The following ATRNL1 variants were observed in gnomAD, a reference collection of about 807,000 sequenced individuals.
The protein encoded by ATRNL1 is attractin-like protein 1.
A neutral mutation model predicts 182.7 loss-of-function variants in ATRNL1; 95 were observed. The ratio of observed to expected loss-of-function variants is 0.52; its 90% CI spans 0.44 to 0.62. The LOEUF (loss-of-function observed/expected upper bound fraction) is 0.62, where lower values mean the gene tolerates loss of function less well. Ranked by LOEUF, ATRNL1 falls within the 20% of genes least tolerant of loss-of-function variation. The pLI is 0.00. For missense variants in ATRNL1, 1,471 were observed against 1,679.5 expected (o/e 0.88, Z 2.17); for synonymous variants, 576 against 568.3 (o/e 1.01, Z -0.19).
At chr10:115,159,482 G>A (rs1274462856) in intron 5 of ATRNL1, among the ~76,000 whole-genome samples, 1 of 150,770 alleles carries the variant, frequency 6.6e-6, no homozygotes, top group Non-Finnish European at 1.5e-5. Context: ...TCTTTTTGAG[G>A]ACTCCACTGA....
intron 27 of ATRNL1, among the ~76,000 whole-genome samples, chr10:115,758,566 C>G: frequency 6.6e-6 from 1 of 152,220 alleles, no homozygotes; most frequent in East Asian, 1.9e-4. Context: ...TCTGTCGGCT[C>G]CTACTGGGAG....
intron 7 of ATRNL1, among the ~76,000 whole-genome samples, chr10:115,167,843 G>A (rs1847115787): frequency 6.6e-6 from 1 of 151,992 alleles, no homozygotes; most frequent in African/African-American, 2.4e-5. Flanking sequence ...CATTTAAAGT[G>A]TACAATTCAG....
At chr10:115,564,069 A>G (rs1392584176) in intron 26 of ATRNL1, among the ~76,000 whole-genome samples, 2 of 152,024 alleles carry the variant, frequency 1.3e-5, no homozygotes, top group African/African-American at 4.8e-5. Context: ...TTCCTGCTGC[A>G]TAGTATATTT....
chr10:115,342,564 GTTA>G (rs1855801319), intron 19 of ATRNL1, among the ~76,000 whole-genome samples: 1 of 151,992 alleles, frequency 6.6e-6, no homozygotes, highest in South Asian at 2.1e-4. Context: ...TTGAAAAGTT[GTTA>G]TTATTTTTGA....
intron 5 of ATRNL1, among the ~76,000 whole-genome samples, chr10:115,154,453 A>G (rs920298066): frequency 6.6e-6 from 1 of 152,070 alleles, no homozygotes; most frequent in Non-Finnish European, 1.5e-5. Context: ...TGATCCCTTT[A>G]CCATTATGTA....
intron 20 of ATRNL1, among the ~76,000 whole-genome samples, chr10:115,418,412 G>T (rs782681180): frequency 1.3e-5 from 2 of 151,962 alleles, no homozygotes; most frequent in Non-Finnish European, 2.9e-5. Flanking sequence ...AGAGGTGAAA[G>T]AACCAAAAGA....
intron 27 of ATRNL1, among the ~76,000 whole-genome samples, chr10:115,781,458 A>G (rs1304624430): frequency 6.6e-6 from 1 of 152,236 alleles, no homozygotes; most frequent in African/African-American, 2.4e-5. Flanking sequence ...TAAGATAAAT[A>G]CATTTTAGTA....
At chr10:115,832,334 G>A (rs1293398692) in intron 27 of ATRNL1, among the ~76,000 whole-genome samples, 1 of 152,188 alleles carries the variant, frequency 6.6e-6, no homozygotes, top group South Asian at 2.1e-4. Context: ...TTTCTCACCT[G>A]CAGAGGCTCC....
At chr10:115,933,130 A>G (rs1953454772) in intron 28 of ATRNL1, among the ~76,000 whole-genome samples, 1 of 152,224 alleles carries the variant, frequency 6.6e-6, no homozygotes, top group Non-Finnish European at 1.5e-5. Context: ...TTATGGTGGG[A>G]CTTCCAATTA....
chr10:115,537,708 T>TTTGTTTGTTTGA (rs1208629687), intron 25 of ATRNL1, among the ~76,000 whole-genome samples: 3 of 152,142 alleles, frequency 2.0e-5, no homozygotes, highest in Non-Finnish European at 1.5e-5. Flanking sequence ...TTATTGTTTG[T>TTTGTTTGTTTGA]TTTTTACTTC....
At chr10:115,803,996 TTTAA>T (rs1484678906) in intron 27 of ATRNL1, among the ~76,000 whole-genome samples, 3 of 152,192 alleles carry the variant, frequency 2.0e-5, no homozygotes, top group African/African-American at 7.2e-5. Context: ...ACCACTGACA[TTTAA>T]TTAGTTTTTA....
intron 26 of ATRNL1, among the ~76,000 whole-genome samples, chr10:115,661,547 G>A (rs1860683383): frequency 6.6e-6 from 1 of 152,114 alleles, no homozygotes; most frequent in African/African-American, 2.4e-5. Flanking sequence ...AGATGATTAT[G>A]TGCAGAAAGC....
chr10:115,176,750 A>G (rs1847525023), intron 8 of ATRNL1, among the ~76,000 whole-genome samples: 1 of 152,162 alleles, frequency 6.6e-6, no homozygotes, highest in African/African-American at 2.4e-5. Context: ...TAGATGTCAA[A>G]GAGAAAATGT....
chr10:115,172,111 T>G (rs2144099327), intron 8 of ATRNL1, among the ~76,000 whole-genome samples: 1 of 152,174 alleles, frequency 6.6e-6, no homozygotes, highest in Non-Finnish European at 1.5e-5. Flanking sequence ...AAGAGAGTAC[T>G]TGTATGCTCA....
chr10:115,267,682 TATG>T (rs1259328204), intron 12 of ATRNL1, among the ~76,000 whole-genome samples: 3 of 152,196 alleles, frequency 2.0e-5, no homozygotes, highest in Non-Finnish European at 2.9e-5. Flanking sequence ...CAGTATTTGT[TATG>T]ATGTTTTCTT....
At chr10:115,343,576 T>A (rs1855844146) in intron 19 of ATRNL1, among the ~76,000 whole-genome samples, 1 of 152,208 alleles carries the variant, frequency 6.6e-6, no homozygotes, top group African/African-American at 2.4e-5. Context: ...ACAGGTATTT[T>A]AAATTCTCTG....
intron 27 of ATRNL1, among the ~76,000 whole-genome samples, chr10:115,757,446 G>T (rs1948619423): frequency 6.6e-6 from 1 of 152,104 alleles, no homozygotes; most frequent in Non-Finnish European, 1.5e-5. Flanking sequence ...ATGAAATTCT[G>T]GGCTGAAAAT....
At chr10:115,272,375 A>G (rs928336651) in intron 13 of ATRNL1, among the ~76,000 whole-genome samples, 2 of 152,168 alleles carry the variant, frequency 1.3e-5, no homozygotes, top group African/African-American at 2.4e-5. Flanking sequence ...AGTCACCCCA[A>G]TGAGCACAGT....
intron 9 of ATRNL1, among the ~76,000 whole-genome samples, chr10:115,239,382 G>T (rs1022260405): frequency 6.6e-6 from 1 of 151,994 alleles, no homozygotes; most frequent in African/African-American, 2.4e-5. Context: ...ACAGGCGCAG[G>T]CTACCACGCC....
Sources: gnomAD v4.1 joint callset for allele counts (sites outside exome capture counted in the v4.1 genomes callset) on GRCh38, gnomAD v4.1.1 for gene constraint, MANE v1.5 for transcripts, NCBI Gene and HGNC (gene_info 2026-07-23, HGNC 2026-07-21) for gene names.